The following PPP2R3A variants were observed in gnomAD, a reference collection of about 807,000 sequenced individuals.
PPP2R3A encodes the protein protein phosphatase 2 regulatory subunit B''alpha.
In PPP2R3A, 80 loss-of-function variants were observed where a neutral mutation model predicts 106.9. The observed-to-expected ratio is 0.75, with a 90% confidence interval of 0.62 to 0.90. PPP2R3A has a LOEUF of 0.90. PPP2R3A is among the 40% of genes least tolerant of loss of function. The pLI is 0.00. For missense variants in PPP2R3A, 1,386 were observed against 1,350.4 expected (o/e 1.03, Z -0.41); for synonymous variants, 483 against 468.3 (o/e 1.03, Z -0.41).
At chr3:135,985,116 T>C (rs1937589684) in intron 1 of PPP2R3A, among the ~76,000 whole-genome samples, 1 of 152,148 alleles carries the variant, frequency 6.6e-6, no homozygotes, top group African/African-American at 2.4e-5. Context: ...TATCAACCTC[T>C]TTCCTTTATA....
In PPP2R3A at chr3:136,095,577, T is replaced by C. The variant is rs75520545; in HGVS notation, c.2927+4910T>C. On this transcript the variant is annotated intron_variant, in intron 10 of 13. Coordinates refer to ENST00000264977, the MANE Select transcript of PPP2R3A (RefSeq NM_002718.5). ...CCCAAACCTGGACTCTACCACTATA[T>C]GGCCTGTCATCCAGATGCCATTCAT... Among the ~76,000 whole-genome samples the C allele has an allele frequency of 1.6e-4, 25 of 152,324 alleles. No individual in the cohort carries two copies. The East Asian group carries it at 4.1e-3, about 25-fold the overall frequency.
chr3:135,973,059 T>A (rs933183879), intron 1 of PPP2R3A, among the ~76,000 whole-genome samples: 6 of 152,222 alleles, frequency 3.9e-5, no homozygotes, highest in Non-Finnish European at 7.4e-5. Flanking sequence ...TCTGGCAATA[T>A]ATAGTTTTAG....
chr3:135,974,328 C>G (rs1937349332), intron 1 of PPP2R3A, among the ~76,000 whole-genome samples: 1 of 152,138 alleles, frequency 6.6e-6, no homozygotes, highest in African/African-American at 2.4e-5. Flanking sequence ...ATGCTGACTA[C>G]CAAATGTATA....
At chr3:136,007,785 CA>C (rs1340318465) in intron 2 of PPP2R3A, among the ~76,000 whole-genome samples, 9 of 152,118 alleles carry the variant, frequency 5.9e-5, no homozygotes, top group African/African-American at 2.2e-4. Context: ...TCCTTTTGCC[CA>C]TTCTTAGAAG....
At chr3:135,973,444 G>A (rs11915377) in intron 1 of PPP2R3A, among the ~76,000 whole-genome samples, 47 of 152,298 alleles carry the variant, frequency 3.1e-4, no homozygotes, top group African/African-American at 1.1e-3. Flanking sequence ...GAATCACGAC[G>A]TAACTAAAGG....
intron 1 of PPP2R3A, among the ~76,000 whole-genome samples, chr3:135,982,918 G>C (rs1937558042): frequency 6.6e-6 from 1 of 152,124 alleles, no homozygotes; most frequent in Non-Finnish European, 1.5e-5. Flanking sequence ...TGGTACTATT[G>C]AGCCCACAGG....
At position 136,001,972 on chromosome 3, in the gene PPP2R3A, G is replaced by T; in HGVS notation, c.474G>T (p.Leu158Phe). The change falls in exon 2 of 14, where the codon TTG becomes TTT. Residue 158 changes from leucine (L) to phenylalanine (F), a missense_variant. Physicochemically the swap from Leu to Phe is conservative, Grantham distance 22. Coordinates refer to ENST00000264977, the MANE Select transcript of PPP2R3A (RefSeq NM_002718.5). ...SDSFNRRSVD[L>F]DLLCGHYNND... ...CATTTAATAGGAGGTCAGTTGATTT[G>T]GACTTGCTTTGTGGCCATTATAACA... 6.2e-7 allele frequency: 1 copy of T among 1,614,122 alleles called. No homozygotes were observed. The highest frequency in any genetic ancestry group is 8.5e-7 in the Non-Finnish European group (1 of 1,180,004).
intron 10 of PPP2R3A, among the ~76,000 whole-genome samples, chr3:136,101,673 A>T (rs923260768): frequency 1.8e-4 from 28 of 152,094 alleles, no homozygotes. Flanking sequence ...TGATCTGCCC[A>T]CCTCAGTCTC....
At chr3:136,139,424 G>A (rs185584237) in intron 13 of PPP2R3A, among the ~76,000 whole-genome samples, 291 of 152,210 alleles carry the variant, frequency 1.9e-3, no homozygotes, top group Non-Finnish European at 3.3e-3. Context: ...GGCTAGGTGC[G>A]GTGGTTCACA....
intron 10 of PPP2R3A, among the ~76,000 whole-genome samples, chr3:136,094,902 C>T (rs905467931): frequency 6.6e-6 from 1 of 152,136 alleles, no homozygotes; most frequent in African/African-American, 2.4e-5. Flanking sequence ...AAACACATAC[C>T]AGAGAATAAA....
chr3:135,991,343 T>C (rs1933151984), intron 1 of PPP2R3A, among the ~76,000 whole-genome samples: 1 of 149,488 alleles, frequency 6.7e-6, no homozygotes, highest in Admixed American at 6.6e-5. Flanking sequence ...TATGTTCTCC[T>C]CCAAAATAAA....
intron 3 of PPP2R3A, 89 bp downstream of exon 3, chr3:136,027,187 C>A: frequency 8.5e-7 from 1 of 1,180,402 alleles, no homozygotes; most frequent in Non-Finnish European, 1.2e-6. Context: ...TCCCACCCCC[C>A]TTCACTGCCT....
At chr3:136,090,465 A>G in intron 9 of PPP2R3A, 113 bp from the exon 10 acceptor site, 1 of 779,208 alleles carries the variant, frequency 1.3e-6, no homozygotes, top group Admixed American at 2.4e-5. Flanking sequence ...GGCATTTAGC[A>G]TTATAATTTA....
intron 13 of PPP2R3A, among the ~76,000 whole-genome samples, chr3:136,139,054 G>A (rs1040149508): frequency 2.6e-5 from 4 of 152,014 alleles, no homozygotes; most frequent in Admixed American, 6.6e-5. Context: ...GGTACCATGT[G>A]TCTTAGATAT....
Position 136,145,194 on chromosome 3 carries a change from T to C in PPP2R3A, c.*28T>C, listed in dbSNP as rs1939069313. ...GCCGGTGTCTACAATGAAACGAAGATGTGTATTTTAAATGTTTCTTTCTTG... is the reference window on the plus strand; with the variant it reads ...GCCGGTGTCTACAATGAAACGAAGACGTGTATTTTAAATGTTTCTTTCTTG... On this transcript the variant is annotated 3_prime_UTR_variant, in exon 14 of 14. Coordinates refer to ENST00000264977, the MANE Select transcript of PPP2R3A (RefSeq NM_002718.5). 2 of 1,587,050 alleles carry C rather than the reference T, an allele frequency of 1.3e-6. No individual in the cohort carries two copies. Among genetic ancestry groups the C allele is most frequent in the Non-Finnish European group, 8.5e-7 (1 of 1,170,706 alleles).
chr3:136,113,006 A>G lies in PPP2R3A; in HGVS notation c.3329+6684A>G, dbSNP rs767432326. On this transcript the variant is annotated intron_variant, in intron 13 of 13. Transcript: ENST00000264977. ...AAATGAGCCAGGTGTGGTGGCAGAC[A>G]CCTGTAATGCCAGCTACTCGGGAGG... Among the ~76,000 whole-genome samples the G allele has an allele frequency of 4.6e-5, 7 of 151,896 alleles. No individual in the cohort carries two copies. The South Asian group carries it at 8.3e-4, about 18-fold the overall frequency.
intron 1 of PPP2R3A, among the ~76,000 whole-genome samples, chr3:135,967,559 A>G (rs1185865320): frequency 6.6e-6 from 1 of 152,192 alleles, no homozygotes; most frequent in Non-Finnish European, 1.5e-5. Flanking sequence ...ATTTTGGAGT[A>G]TAGGGTACTT....
At chr3:136,016,603 T>G (rs1934277430) in intron 2 of PPP2R3A, among the ~76,000 whole-genome samples, 1 of 152,154 alleles carries the variant, frequency 6.6e-6, no homozygotes, top group Admixed American at 6.5e-5. Context: ...CGCTTTAAAG[T>G]CTGTTTTATC....
chr3:136,141,438 G>A (rs1243372371), intron 13 of PPP2R3A, among the ~76,000 whole-genome samples: 1 of 152,122 alleles, frequency 6.6e-6, no homozygotes, highest in South Asian at 2.1e-4. Flanking sequence ...GCCTAGGGAA[G>A]CCACTGAAAA....
Sources: gnomAD v4.1 joint callset for allele counts (sites outside exome capture counted in the v4.1 genomes callset) on GRCh38, gnomAD v4.1.1 for gene constraint, MANE v1.5 for transcripts, NCBI Gene and HGNC (gene_info 2026-07-23, HGNC 2026-07-21) for gene names.